Variants in HHAT observed in about 807,000 individuals in gnomAD.
HHAT encodes the protein hedgehog acyltransferase.
A neutral mutation model predicts 70.8 loss-of-function variants in HHAT; 47 were observed. The observed-to-expected ratio is 0.66, with a 90% CI of 0.53 to 0.85. The LOEUF (loss-of-function observed/expected upper bound fraction) is 0.85. Among genes scored for constraint, HHAT ranks in the 40% least tolerant of loss-of-function variants. The pLI, the probability that HHAT is intolerant of heterozygous loss-of-function variation, is 0.00. For missense variants in HHAT, 609 were observed against 604.8 expected, an observed-to-expected ratio of 1.01 and a Z score of -0.07; for synonymous variants, 228 against 247.6, an observed-to-expected ratio of 0.92 and a Z score of 0.74.
intron 8 of HHAT, among the ~76,000 whole-genome samples, chr1:210,497,639 G>T (rs930180840): frequency 2.0e-5 from 3 of 152,132 alleles, no homozygotes; most frequent in Non-Finnish European, 1.5e-5. Context: ...TACACCTGAG[G>T]GCTTCTCTCT....
chr1:210,347,779 A>G (rs1395668433), intron 1 of HHAT, among the ~76,000 whole-genome samples: 1 of 152,126 alleles, frequency 6.6e-6, no homozygotes, highest in East Asian at 1.9e-4. Context: ...TTGGGGACTG[A>G]GAGGCCTCTG....
intron 10 of HHAT, among the ~76,000 whole-genome samples, chr1:210,613,473 G>GGTCT (rs1666998436): frequency 1.3e-5 from 2 of 152,028 alleles, no homozygotes; most frequent in African/African-American, 4.8e-5. Context: ...CTATTCCATT[G>GGTCT]GTCTATATGT....
intron 10 of HHAT, among the ~76,000 whole-genome samples, chr1:210,617,669 T>C (rs1668014575): frequency 6.6e-6 from 1 of 152,248 alleles, no homozygotes; most frequent in African/African-American, 2.4e-5. Flanking sequence ...ATGCTAAACT[T>C]TGGCCTCTGC....
At chr1:210,485,465 C>T (rs554119187) in intron 8 of HHAT, among the ~76,000 whole-genome samples, 1 of 152,268 alleles carries the variant, frequency 6.6e-6, no homozygotes, top group East Asian at 1.9e-4. Flanking sequence ...AGAACTGACA[C>T]ACGGACCTCT....
intron 11 of HHAT, among the ~76,000 whole-genome samples, chr1:210,651,595 G>GGT (rs1675173190): frequency 6.6e-6 from 1 of 152,198 alleles, no homozygotes; most frequent in Non-Finnish European, 1.5e-5. Context: ...CCCCAAGGGA[G>GGT]GTGAGTGCTG....
At chr1:210,487,130 C>G (rs1305948973) in intron 8 of HHAT, among the ~76,000 whole-genome samples, 1 of 152,072 alleles carries the variant, frequency 6.6e-6, no homozygotes, top group East Asian at 1.9e-4. Context: ...TGAGTGTTGC[C>G]AGGCCATGCA....
intron 3 of HHAT, among the ~76,000 whole-genome samples, chr1:210,363,635 G>A (rs12134251): frequency 0.11 from 17,365 of 152,142 alleles, 1,302 homozygotes; most frequent in East Asian, 0.27. Flanking sequence ...CCCCATTTCA[G>A]CTATGACTTG....
At chr1:210,579,622 A>G (rs1658735819) in intron 9 of HHAT, among the ~76,000 whole-genome samples, 1 of 152,192 alleles carries the variant, frequency 6.6e-6, no homozygotes, top group Non-Finnish European at 1.5e-5. Flanking sequence ...AAGTATGTAT[A>G]CTTAAGCTGA....
At chr1:210,410,302 C>T (rs990674272) in intron 6 of HHAT, among the ~76,000 whole-genome samples, 6 of 151,820 alleles carry the variant, frequency 4.0e-5, no homozygotes, top group Middle Eastern at 3.4e-3. Context: ...GTGATCCACC[C>T]GCCTTGGCCT....
At chr1:210,565,188 T>C (rs1421438415) in intron 9 of HHAT, among the ~76,000 whole-genome samples, 1 of 152,130 alleles carries the variant, frequency 6.6e-6, no homozygotes, top group Admixed American at 6.5e-5. Flanking sequence ...AAATCGTGAA[T>C]GGACATGTGC....
intron 8 of HHAT, among the ~76,000 whole-genome samples, chr1:210,506,210 A>G (rs2094851173): frequency 6.6e-6 from 1 of 152,144 alleles, no homozygotes; most frequent in South Asian, 2.1e-4. Context: ...AATCATCATA[A>G]ATAAACTGCC....
At chr1:210,660,489 C>G (rs1677440244) in intron 11 of HHAT, among the ~76,000 whole-genome samples, 1 of 152,080 alleles carries the variant, frequency 6.6e-6, no homozygotes, top group African/African-American at 2.4e-5. Flanking sequence ...GCCATACTGC[C>G]CAAGGTAATT....
At chr1:210,450,318 A>G (rs1431731944) in intron 7 of HHAT, among the ~76,000 whole-genome samples, 1 of 151,088 alleles carries the variant, frequency 6.6e-6, no homozygotes, top group Non-Finnish European at 1.5e-5. Flanking sequence ...AACAGTGAGG[A>G]TATGGCCATT....
chr1:210,584,120 T>C (rs2148775603), intron 9 of HHAT, among the ~76,000 whole-genome samples: 1 of 151,958 alleles, frequency 6.6e-6, no homozygotes, highest in East Asian at 1.9e-4. Flanking sequence ...TTTTTGTATT[T>C]TTAGTAGAGA....
chr1:210,329,402 C>T, intron 1 of HHAT: 1 of 1,133,374 alleles, frequency 8.8e-7, no homozygotes, highest in Non-Finnish European at 1.1e-6. Context: ...TCCGGAACTG[C>T]TGCGGGGAGT....
intron 1 of HHAT, among the ~76,000 whole-genome samples, chr1:210,347,654 G>A (rs1290755783): frequency 3.3e-5 from 5 of 152,142 alleles, no homozygotes; most frequent in African/African-American, 1.2e-4. Flanking sequence ...CTGCCATGAT[G>A]GAGAGATCTA....
chr1:210,506,260 A>C (rs1010936045), intron 8 of HHAT, among the ~76,000 whole-genome samples: 1 of 152,136 alleles, frequency 6.6e-6, no homozygotes, highest in Admixed American at 6.5e-5. Context: ...ACAGTCTACT[A>C]ATTTGCTAAT....
chr1:210,490,273 A>G (rs2094531660), intron 8 of HHAT, among the ~76,000 whole-genome samples: 1 of 152,216 alleles, frequency 6.6e-6, no homozygotes, highest in Non-Finnish European at 1.5e-5. Context: ...AAATCAGGGA[A>G]TAACTCTGGC....
chr1:210,466,693 C>T lies in HHAT; in HGVS notation c.1007+2038C>T, dbSNP rs564461463. Among the ~76,000 whole-genome samples the T allele has an allele frequency of 1.1e-4, 16 of 152,352 alleles. 1 individual carries two copies. Among genetic ancestry groups the T allele is most frequent in the Admixed American group, 9.1e-4 (14 of 15,302 alleles). On this transcript the variant is annotated intron_variant, in intron 8 of 11. Transcript: ENST00000261458. The stretch of plus-strand genomic sequence containing the variant: ...GTCCATGTCCATAAATACCAACCCA[C>T]TGTGTCACCAGAGGCAGTTTCGGCA...
Sources: gnomAD v4.1 joint callset for allele counts (sites outside exome capture counted in the v4.1 genomes callset) on GRCh38, gnomAD v4.1.1 for gene constraint, MANE v1.5 for transcripts, NCBI Gene and HGNC (gene_info 2026-07-23, HGNC 2026-07-21) for gene names.